FAAH2: variants seen among roughly 807,000 people sequenced by gnomAD.
FAAH2 encodes fatty-acid amide hydrolase 2.
In FAAH2, 60 loss-of-function variants were observed where a neutral mutation model predicts 36.9. That is an observed-to-expected ratio of 1.63 (90% CI 1.32 to 2.02). The LOEUF is 2.02. Ranked by LOEUF, FAAH2 falls within the 30% of genes most tolerant of loss-of-function variation. The pLI is 0.00. For missense variants in FAAH2, 689 were observed against 397.5 expected, an observed-to-expected ratio of 1.73 and a Z score of -6.23; for synonymous variants, 214 against 143.8, an observed-to-expected ratio of 1.49 and a Z score of -3.49.
chrX:57,170,117 C>A, the FAAH2 span, among the ~76,000 whole-genome samples: 1 of 111,711 alleles, frequency 9.0e-6, no homozygotes, highest in Non-Finnish European at 1.9e-5. Flanking sequence ...ACTACAGATG[C>A]ATACCACCAC....
At chrX:57,258,799 C>T in the FAAH2 span, among the ~76,000 whole-genome samples, 1 of 106,529 alleles carries the variant, frequency 9.4e-6, no homozygotes, top group Non-Finnish European at 1.9e-5. Context: ...AGCTCCGCCT[C>T]CTGGGTTCAC....
chrX:57,188,664 T>A, the FAAH2 span, among the ~76,000 whole-genome samples: 1 of 110,897 alleles, frequency 9.0e-6, no homozygotes, highest in African/African-American at 3.3e-5. Context: ...GAATTTTAGA[T>A]CTTTCCTGCT....
the FAAH2 span, among the ~76,000 whole-genome samples, chrX:57,209,944 G>T: frequency 9.2e-6 from 1 of 109,034 alleles, no homozygotes; most frequent in African/African-American, 3.4e-5. Flanking sequence ...TTAATTATGT[G>T]GTTTTTTTTT....
chrX:57,441,395 G>T (rs2056551550), intron 8 of FAAH2, among the ~76,000 whole-genome samples: 1 of 111,462 alleles, frequency 9.0e-6, no homozygotes, highest in Non-Finnish European at 1.9e-5. Context: ...GTGTAGAAGT[G>T]TTTATACTAT....
intron 3 of FAAH2, among the ~76,000 whole-genome samples, chrX:57,314,009 A>G (rs2052766386): frequency 8.9e-6 from 1 of 111,928 alleles, no homozygotes; most frequent in African/African-American, 3.2e-5. Context: ...ACATGTAATG[A>G]CACCCACATG....
the FAAH2 span, among the ~76,000 whole-genome samples, chrX:57,140,629 C>G: frequency 9.4e-6 from 1 of 106,743 alleles, no homozygotes; most frequent in Non-Finnish European, 1.9e-5. Context: ...GTGGTAAAAG[C>G]ACCATGGAAT....
intron 10 of FAAH2, among the ~76,000 whole-genome samples, chrX:57,471,116 A>G (rs943291094): frequency 2.7e-5 from 3 of 112,092 alleles, no homozygotes; most frequent in Non-Finnish European, 5.6e-5. Context: ...AGAACTATTT[A>G]TAACAAACTC....
intron 7 of FAAH2, among the ~76,000 whole-genome samples, chrX:57,407,215 G>C (rs2055588326): frequency 8.9e-6 from 1 of 112,062 alleles, no homozygotes; most frequent in Admixed American, 9.4e-5. Flanking sequence ...CAGGGTATCT[G>C]TTGATGCAGT....
At chrX:57,177,366 A>C in the FAAH2 span, among the ~76,000 whole-genome samples, 1 of 106,680 alleles carries the variant, frequency 9.4e-6, no homozygotes, top group South Asian at 4.2e-4. Flanking sequence ...AAAGATTGTG[A>C]CTGTCTCCTG....
At chrX:57,378,603 G>C in intron 5 of FAAH2, 48 bp from the exon 6 acceptor site, 1 of 1,196,378 alleles carries the variant, frequency 8.4e-7, no homozygotes, top group Non-Finnish European at 1.1e-6. Context: ...CAACATGCAG[G>C]GATCATGTCT....
At chrX:57,180,209 G>A in the FAAH2 span, among the ~76,000 whole-genome samples, 1 of 111,478 alleles carries the variant, frequency 9.0e-6, no homozygotes, top group Non-Finnish European at 1.9e-5. Context: ...AGGAGCTAGA[G>A]TAGCAAAAAC....
intron 2 of FAAH2, among the ~76,000 whole-genome samples, chrX:57,297,395 G>A (rs1469744326): frequency 9.0e-6 from 1 of 110,674 alleles, no homozygotes; most frequent in African/African-American, 3.3e-5. Flanking sequence ...TTACAGACAA[G>A]CAAATGCTGA....
chrX:57,388,796 G>T (rs756727767), intron 7 of FAAH2, among the ~76,000 whole-genome samples: 3 of 110,954 alleles, frequency 2.7e-5, no homozygotes, highest in Non-Finnish European at 3.8e-5. Context: ...GGAAACCACA[G>T]ATTTTTTACT....
chrX:57,424,008 G>T (rs2056099218), intron 7 of FAAH2, among the ~76,000 whole-genome samples: 1 of 111,503 alleles, frequency 9.0e-6, no homozygotes, highest in South Asian at 3.8e-4. Flanking sequence ...TCAGAAAGGA[G>T]ATATGATCTG....
chrX:57,239,214 G>A, the FAAH2 span, among the ~76,000 whole-genome samples: 1 of 111,482 alleles, frequency 9.0e-6, no homozygotes, highest in African/African-American at 3.3e-5. Flanking sequence ...TCCATCTGCA[G>A]GAAAGTCTGG....
the FAAH2 span, among the ~76,000 whole-genome samples, chrX:57,263,231 A>G: frequency 8.9e-6 from 1 of 111,909 alleles, no homozygotes; most frequent in African/African-American, 3.2e-5. Context: ...CCTAGAACTA[A>G]TAAGTTATTT....
chrX:57,331,898 A>G lies in FAAH2; in HGVS notation c.622+91A>G, dbSNP rs1350191619. 5.5e-6 allele frequency: 5 copies of G among 906,655 alleles called. No individual in the cohort carries two copies. In the East Asian group the frequency reaches 9.8e-5, roughly 18 times the overall value. The allele number at this position is 906,655 out of a possible 1,213,427, so 74.7% of individuals were successfully genotyped here. A position where few individuals can be genotyped will look rare whatever the true frequency, so the allele number is the denominator to read the frequency against. ...ATAAACATGATACAGTATAGCATCT[A>G]TGACCTATAAGAATGGATGCAAAAA... On this transcript the variant is annotated intron_variant, in intron 4 of 10. Transcript: ENST00000374900.
chrX:57,431,952 C>T lies in FAAH2; in HGVS notation c.1031C>T (p.Ser344Leu). Residue 344 changes from serine (S) to leucine (L), a missense_variant, in exon 8 of 11, where the codon TCA becomes TTA. Coordinates refer to ENST00000374900, the MANE Select transcript of FAAH2 (RefSeq NM_174912.4). ...VVHLETILGA[S>L]VQHVKLKKMK... ...CACCTTGAAACTATTCTAGGAGCCT[C>T]AGTTCAACATGTTAAACTGAAGAAA... 1 of 1,203,778 alleles carries T rather than the reference C, an allele frequency of 8.3e-7. No homozygotes were observed. The highest frequency in any genetic ancestry group is 1.1e-6 in the Non-Finnish European group (1 of 890,927).
the FAAH2 span, among the ~76,000 whole-genome samples, chrX:57,211,748 G>A: frequency 9.0e-6 from 1 of 111,629 alleles, no homozygotes; most frequent in African/African-American, 3.3e-5. Context: ...ACTTGAGACT[G>A]CTCACCCATG....
Sources: allele counts gnomAD v4.1 joint callset (sites outside exome capture counted in the v4.1 genomes callset), GRCh38; gene constraint gnomAD v4.1.1; transcripts MANE v1.5; gene names NCBI Gene and HGNC (gene_info 2026-07-23, HGNC 2026-07-21).